The following EVA1A variants were observed in gnomAD, a reference collection of about 807,000 sequenced individuals.
The protein encoded by EVA1A is eva-1 homolog A, regulator of programmed cell death.
EVA1A carries 7 observed loss-of-function variants against 9.8 expected under a neutral mutation model. That is an observed-to-expected ratio of 0.71 (90% CI 0.41 to 1.34). EVA1A has a LOEUF of 1.34. EVA1A is among the 40% of genes most tolerant of loss of function. The probability of loss-of-function intolerance (pLI) is 0.01; values close to 1 mark genes in which losing one functional copy is unlikely to be tolerated. For synonymous variants in EVA1A, 90 were observed against 85.6 expected, an observed-to-expected ratio of 1.05 and a Z score of -0.28; for missense variants, 206 against 205.9, an observed-to-expected ratio of 1.00 and a Z score of 0.00.
intron 3 of EVA1A, among the ~76,000 whole-genome samples, chr2:75,516,004 C>T (rs1674994402): frequency 3.3e-5 from 5 of 152,200 alleles, no homozygotes; most frequent in Admixed American, 3.3e-4. Flanking sequence ...AAATGTGTTG[C>T]TGAAATAAGG....
intron 1 of EVA1A, among the ~76,000 whole-genome samples, chr2:75,523,244 C>T (rs933578929): frequency 2.6e-5 from 4 of 152,138 alleles, no homozygotes; most frequent in South Asian, 2.1e-4. Context: ...CACTATCCTA[C>T]GTTAATTTTA....
At chr2:75,513,121 T>G (rs574404172) in intron 3 of EVA1A, among the ~76,000 whole-genome samples, 2 of 152,294 alleles carry the variant, frequency 1.3e-5, no homozygotes, top group Non-Finnish European at 2.9e-5. Context: ...AAAAAGGCTT[T>G]GAGAATCACA....
At chr2:75,566,600 A>G (rs958760114) in intron 1 of EVA1A, among the ~76,000 whole-genome samples, 7 of 152,294 alleles carry the variant, frequency 4.6e-5, no homozygotes, top group Non-Finnish European at 4.4e-5. Context: ...TATCTGTTCT[A>G]TTGTGGAGTG....
In EVA1A at chr2:75,549,013, T is replaced by A. The variant is rs939858462; in HGVS notation, c.-192+11667A>T. ...ATATATATATATATATATATATTTT[T>A]TTTTTTTTTACTAATAAATCAAATA... On this transcript the variant is annotated intron_variant, in intron 1 of 3. Coordinates refer to ENST00000393913, the MANE Select transcript of EVA1A (RefSeq NM_001135032.2). 4.8e-3 allele frequency among the ~76,000 whole-genome samples: 586 copies of A among 120,990 alleles called. 3 individuals are homozygous for A. Among genetic ancestry groups the A allele is most frequent in the African/African-American group, 0.022 (545 of 25,056 alleles). 79.4% of individuals were successfully genotyped at this position (120,990 alleles called of 152,430 possible). A position where few individuals can be genotyped will look rare whatever the true frequency, so the allele number is the denominator to read the frequency against.
chr2:75,537,103 T>C (rs1047979360), intron 1 of EVA1A, among the ~76,000 whole-genome samples: 4 of 152,212 alleles, frequency 2.6e-5, no homozygotes, highest in African/African-American at 7.2e-5. Context: ...AAAAGGATTT[T>C]TTTTCGTAAT....
chr2:75,518,487 T>C (rs1435634040), intron 2 of EVA1A, among the ~76,000 whole-genome samples: 1 of 152,176 alleles, frequency 6.6e-6, no homozygotes, highest in Admixed American at 6.5e-5. Flanking sequence ...TCCCAGCCAG[T>C]GGGGCCACAA....
chr2:75,534,064 A>G (rs755716541), intron 1 of EVA1A, among the ~76,000 whole-genome samples: 5 of 151,934 alleles, frequency 3.3e-5, no homozygotes, highest in Non-Finnish European at 7.4e-5. Flanking sequence ...CTCCCACCTC[A>G]GCCTCCCAAT....
intron 1 of EVA1A, among the ~76,000 whole-genome samples, chr2:75,545,803 G>A (rs1463219919): frequency 3.9e-5 from 6 of 152,150 alleles, no homozygotes; most frequent in Non-Finnish European, 8.8e-5. Flanking sequence ...CTAGGGGGAG[G>A]AGAGGTTGTT....
chr2:75,505,506 G>A (rs1674584275), intron 3 of EVA1A, among the ~76,000 whole-genome samples: 1 of 152,178 alleles, frequency 6.6e-6, no homozygotes, highest in Non-Finnish European at 1.5e-5. Context: ...ACATATGTAT[G>A]TGTACGTATG....
At chr2:75,512,738 T>G (rs1025798035) in intron 3 of EVA1A, among the ~76,000 whole-genome samples, 3 of 152,170 alleles carry the variant, frequency 2.0e-5, no homozygotes, top group Non-Finnish European at 4.4e-5. Context: ...GAACTATTGA[T>G]GTCTTGGCCC....
chr2:75,529,490 T>G (rs1204387490), intron 1 of EVA1A, among the ~76,000 whole-genome samples: 1 of 152,216 alleles, frequency 6.6e-6, no homozygotes, highest in African/African-American at 2.4e-5. Flanking sequence ...ATAGACCATA[T>G]GATAGACCAC....
chr2:75,532,343 ATG>A, intron 1 of EVA1A, among the ~76,000 whole-genome samples: 1 of 152,274 alleles, frequency 6.6e-6, no homozygotes, highest in South Asian at 2.1e-4. Context: ...GCCAGTGTTT[ATG>A]TGAGTGAAAC....
At chr2:75,549,009 T>TA (rs1491197617) in intron 1 of EVA1A, among the ~76,000 whole-genome samples, 3,077 of 52,794 alleles carry the variant, frequency 0.058, 42 homozygotes, top group Admixed American at 0.072. Context: ...TATATATATA[T>TA]TTTTTTTTTT....
chr2:75,542,030 G>A (rs1034134269), intron 1 of EVA1A: 1 of 152,150 alleles, frequency 6.6e-6, no homozygotes, highest in Non-Finnish European at 1.5e-5. Flanking sequence ...AATCATGAGG[G>A]TGGGTCTTTC....
chr2:75,506,013 C>T (rs1323891094), intron 3 of EVA1A, among the ~76,000 whole-genome samples: 1 of 152,118 alleles, frequency 6.6e-6, no homozygotes, highest in Admixed American at 6.5e-5. Context: ...TTTTCCTCTG[C>T]ATATACTGTA....
intron 1 of EVA1A, among the ~76,000 whole-genome samples, chr2:75,539,753 T>C (rs1251695769): frequency 6.6e-6 from 1 of 152,032 alleles, no homozygotes; most frequent in Admixed American, 6.5e-5. Context: ...TTTTTAAAAA[T>C]GAAAAATAAA....
intron 1 of EVA1A, among the ~76,000 whole-genome samples, chr2:75,532,591 T>C (rs541582604): frequency 2.0e-5 from 3 of 151,478 alleles, no homozygotes; most frequent in South Asian, 2.1e-4. Context: ...AGAGGAAAAA[T>C]AGACTGGAAA....
intron 2 of EVA1A, chr2:75,518,673 G>C: frequency 2.5e-5 from 25 of 987,370 alleles, no homozygotes; most frequent in Non-Finnish European, 3.0e-5. Flanking sequence ...ATTCTCCCTG[G>C]TTCACCTTTG....
At position 75,492,914 on chromosome 2, in the gene EVA1A, G is replaced by T; in HGVS notation, c.*322C>A. 3.0e-6 allele frequency: 1 copy of T among 338,702 alleles called. No individual in the cohort carries two copies. Among genetic ancestry groups the T allele is most frequent in the Non-Finnish European group, 5.4e-6 (1 of 185,618 alleles). 21.0% of individuals were successfully genotyped at this position (338,702 alleles called of 1,614,324 possible). ...TTGCAAAGGAATAACACAGAGCAAG[G>T]AAGTCTGCTGAAACTTCTGAGATCC... On this transcript the variant is annotated 3_prime_UTR_variant, in exon 4 of 4. Coordinates refer to ENST00000393913, the MANE Select transcript of EVA1A (RefSeq NM_001135032.2).
Sources: allele counts gnomAD v4.1 joint callset (sites outside exome capture counted in the v4.1 genomes callset), GRCh38; gene constraint gnomAD v4.1.1; transcripts MANE v1.5; gene names NCBI Gene and HGNC (gene_info 2026-07-23, HGNC 2026-07-21).